The following VTN variants were observed in gnomAD, a reference collection of about 807,000 sequenced individuals.
VTN encodes complement S-protein.
VTN carries 45 observed loss-of-function variants against 55.9 expected under a neutral mutation model. The ratio of observed to expected loss-of-function variants is 0.80; its 90% CI spans 0.63 to 1.03. The LOEUF is 1.03. Ranked by LOEUF, VTN falls within the 50% of genes least tolerant of loss-of-function variation. VTN has a pLI of 0.00. For missense variants in VTN, 589 were observed against 638.2 expected (o/e 0.92, Z 0.83); for synonymous variants, 238 against 242.3 (o/e 0.98, Z 0.17).
At chr17:28,368,114 C>G (rs575720398) in intron 6 of VTN, 55 bp from the exon 7 acceptor site, 1 of 1,437,324 alleles carries the variant, frequency 7.0e-7, no homozygotes, top group African/African-American at 1.4e-5. Flanking sequence ...CTTGCCCCTT[C>G]CAGCGGGGCC....
Position 28,369,498 on chromosome 17 carries a change from T to C in VTN, c.529+9A>G, listed in dbSNP as rs782183692. 3.0e-5 allele frequency: 48 copies of C among 1,600,592 alleles called. No individual in the cohort carries two copies. In the South Asian group the frequency reaches 3.5e-4, roughly 12 times the overall value. ...AGACCCGCATCCCCAGTACCTGCCC[T>C]GGATTCACCTCGGAAGGCAAAGAGG... On this transcript the variant is annotated intron_variant, in intron 3 of 7. Coordinates refer to ENST00000226218, the MANE Select transcript of VTN (RefSeq NM_000638.4). The surrounding 1 kb of genome is among the most constrained non-coding windows in gnomAD (Gnocchi z 5.3).
Position 28,369,915 on chromosome 17 carries a change from C to G in VTN, c.184+12G>C, listed in dbSNP as rs2067938385. The G allele has an allele frequency of 6.2e-7, 1 of 1,613,670 alleles. No homozygotes were observed. Among genetic ancestry groups the G allele is most frequent in the Non-Finnish European group, 8.5e-7 (1 of 1,179,716 alleles). ...GGGCACCCCAGCCCACCCACCTGGG[C>G]TCTGAACACACCTTGGGGCTTGCAC... is the stretch of plus-strand genomic sequence containing the variant. On this transcript the variant is annotated intron_variant, in intron 2 of 7. Transcript: ENST00000226218. The surrounding 1 kb of genome is among the most constrained non-coding windows in gnomAD (Gnocchi z 5.3).
At position 28,368,569 on chromosome 17, in the gene VTN, C is replaced by A. The variant is rs1555583410; in HGVS notation, c.931G>T (p.Asp311Tyr). The A allele has an allele frequency of 6.2e-7, 1 of 1,614,046 alleles. No homozygotes were observed. The highest frequency in any genetic ancestry group is 8.5e-7 in the Non-Finnish European group (1 of 1,180,020). Residue 311 changes from aspartate (D) to tyrosine (Y), a missense_variant, in exon 6 of 8, where the codon GAC (aspartate) becomes TAC (tyrosine). Physicochemically the swap from Asp to Tyr is radical, Grantham distance 160. Coordinates refer to ENST00000226218, the MANE Select transcript of VTN (RefSeq NM_000638.4). Reference sequence around the variant, plus strand: ...AGCTCGAAGATGTCCTCCCAGCTGTCCCGCTGCATCATGGCAAAGTGTTCA... The same window carrying A: ...AGCTCGAAGATGTCCTCCCAGCTGTACCGCTGCATCATGGCAAAGTGTTCA... ...VFEHFAMMQRDSWEDIFELLF... is the reference protein window; with the variant it reads ...VFEHFAMMQRYSWEDIFELLF...
Position 28,370,229 on chromosome 17 carries a change from G to T in VTN, c.-26C>A. 2.5e-6 allele frequency: 4 copies of T among 1,601,772 alleles called. No individual in the cohort carries two copies. The highest frequency in any genetic ancestry group is 3.4e-6 in the Non-Finnish European group (4 of 1,172,346). ...GGCAGGGCTTCTAGCTCAGTGCCTGGCAAGCTGGGCTCTGGTCTCCCTGAA... is the reference window on the plus strand; with the variant it reads ...GGCAGGGCTTCTAGCTCAGTGCCTGTCAAGCTGGGCTCTGGTCTCCCTGAA... On this transcript the variant is annotated 5_prime_UTR_variant, in exon 1 of 8. Coordinates refer to ENST00000226218, the MANE Select transcript of VTN (RefSeq NM_000638.4).
intron 7 of VTN, 60 bp downstream of exon 7, chr17:28,367,655 A>G: frequency 3.9e-6 from 6 of 1,553,758 alleles, no homozygotes; most frequent in Non-Finnish European, 5.3e-6. Context: ...GCCCTTGTGC[A>G]CCAGGGACAG....
chr17:28,369,368 C>A lies in VTN; in HGVS notation c.590G>T (p.Arg197Leu). ...GGGGCCCTCGATGCCCCAGACATCT[C>A]GGATGAGCTTGGGGTACCCAGGCCT... ...AVRPGYPKLI[R>L]DVWGIEGPID... Residue 197 changes from arginine to leucine, a missense_variant, in exon 4 of 8, where the codon CGA becomes CTA. This residue lies in a region of VTN where 38 missense variants were observed against 68.8 expected (regional missense o/e 0.55). Coordinates refer to ENST00000226218, the MANE Select transcript of VTN (RefSeq NM_000638.4). The surrounding 1 kb of genome is among the most constrained non-coding windows in gnomAD (Gnocchi z 5.3). The A allele has an allele frequency of 6.2e-7, 1 of 1,607,434 alleles. No individual in the cohort carries two copies. The highest frequency in any genetic ancestry group is 8.5e-7 in the Non-Finnish European group (1 of 1,174,822).
chr17:28,369,844 G>T lies in VTN; in HGVS notation c.192C>A (p.Arg64=). ...YTAECKPQVT[R]GDVFTMPEDE... ...CCTCCGGCATAGTGAACACATCCCCGCGAGTCACTGCAGAGAGTGGATGGT... is the reference window on the plus strand; with the variant it reads ...CCTCCGGCATAGTGAACACATCCCCTCGAGTCACTGCAGAGAGTGGATGGT... The change falls in exon 3 of 8, where the codon CGC becomes CGA. Residue 64 remains arginine (R), a synonymous_variant. Transcript: ENST00000226218. This position sits in a 1 kb window ranked among gnomAD's most constrained non-coding sequence, Gnocchi z 5.3. 6.2e-7 allele frequency: 1 copy of T among 1,612,396 alleles called. No individual in the cohort carries two copies. Among genetic ancestry groups the T allele is most frequent in the Non-Finnish European group, 8.5e-7 (1 of 1,178,678 alleles).
rs1555583460 is a variant in VTN, at chr17:28,368,873, C to T, written c.825G>A (p.Lys275=). Residue 275 remains lysine, a splice_region_variant and synonymous_variant, in exon 5 of 8, where the codon AAG becomes AAA. Transcript: ENST00000226218. ...YSGRERVYFF[K]GKQYWEYQFQ... The stretch of plus-strand genomic sequence containing the variant: ...AGTCTCCCACCACCCCCTGAGTACC[C>T]TTGAAGAAGTAGACCCGCTCCCGGC... 1 of 1,613,778 alleles carries T rather than the reference C, an allele frequency of 6.2e-7. No homozygotes were observed. The highest frequency in any genetic ancestry group is 2.2e-5 in the East Asian group (1 of 44,884).
rs2142415135 is a variant in VTN, at chr17:28,368,538, A to G, written c.962T>C (p.Phe321Ser). 5 of 1,613,996 alleles carry G rather than the reference A, an allele frequency of 3.1e-6. No homozygotes were observed. The highest frequency in any genetic ancestry group is 4.2e-6 in the Non-Finnish European group (5 of 1,180,022). The change falls in exon 6 of 8, where the codon TTC becomes TCC. Residue 321 changes from phenylalanine (F) to serine (S), a missense_variant. Transcript: ENST00000226218. ...DSWEDIFELLFWGRTSAGTRQ... is the reference protein window; with the variant it reads ...DSWEDIFELLSWGRTSAGTRQ... ...CTCCATACCAGAGGTTCTGCCCCAG[A>G]AGAGAAGCTCGAAGATGTCCTCCCA...
chr17:28,368,794 G>A, intron 5 of VTN, 78 bp downstream of exon 5: 1 of 1,610,740 alleles, frequency 6.2e-7, no homozygotes, highest in Non-Finnish European at 8.5e-7. Flanking sequence ...CACATGCTGA[G>A]GCCTGTCCCC....
chr17:28,368,895 C>A lies in VTN; in HGVS notation c.803G>T (p.Arg268Leu). ...ACCCTTGAAGAAGTAGACCCGCTCC[C>A]GGCCACTGTAGCTATGGGCAGGGAG... is the stretch of plus-strand genomic sequence containing the variant. ...LALPAHSYSG[R>L]ERVYFFKGKQ... Residue 268 changes from arginine to leucine, a missense_variant, in exon 5 of 8, where the codon CGG (arginine) becomes CTG (leucine). Arg to Leu is a moderately radical substitution (Grantham distance 102). Coordinates refer to ENST00000226218, the MANE Select transcript of VTN (RefSeq NM_000638.4). 3.7e-6 allele frequency: 6 copies of A among 1,613,608 alleles called. No individual in the cohort carries two copies. The highest frequency in any genetic ancestry group is 5.1e-6 in the Non-Finnish European group (6 of 1,179,876).
At position 28,369,280 on chromosome 17, in the gene VTN, C is replaced by A. The variant is rs375026324; in HGVS notation, c.669+9G>T. 16 of 1,578,338 alleles carry A rather than the reference C, an allele frequency of 1.0e-5. No homozygotes were observed. The highest frequency in any genetic ancestry group is 1.4e-5 in the African/African-American group (1 of 73,972). The stretch of plus-strand genomic sequence containing the variant: ...GATGCTTTCTACCCTGGCCCACAGC[C>A]CCTGGCACCTTGAAGAGGTAGGTCT... On this transcript the variant is annotated intron_variant, in intron 4 of 7. Coordinates refer to ENST00000226218, the MANE Select transcript of VTN (RefSeq NM_000638.4). The surrounding 1 kb of genome is among the most constrained non-coding windows in gnomAD (Gnocchi z 5.3).
chr17:28,367,713 A>G lies in VTN; in HGVS notation c.1324+2T>C, dbSNP rs113284456. On this transcript the variant is annotated splice_donor_variant, in intron 7 of 7. Transcript: ENST00000226218. LOFTEE classifies it high-confidence loss of function. ...AGCTTCAGGGGTGGCAGCGGCTCCT[A>G]CCTCCAGAGAAGAAGAAGACACTCT... The G allele has an allele frequency of 6.2e-7, 1 of 1,605,862 alleles. No homozygotes were observed.
At position 28,368,580 on chromosome 17, in the gene VTN, A is replaced by G. The variant is rs782152510; in HGVS notation, c.920T>C (p.Met307Thr). 1 of 1,614,058 alleles carries G rather than the reference A, an allele frequency of 6.2e-7. No homozygotes were observed. The highest frequency in any genetic ancestry group is 8.5e-7 in the Non-Finnish European group (1 of 1,180,030). The change falls in exon 6 of 8, where the codon ATG (methionine) becomes ACG (threonine). Residue 307 changes from methionine to threonine, a missense_variant. By Grantham distance (81) the Met-to-Thr change is moderately conservative. Around this residue, in one of 3 missense-constraint regions of VTN, gnomAD observed 334 missense variants for 328.2 expected, o/e 1.02. Coordinates refer to ENST00000226218, the MANE Select transcript of VTN (RefSeq NM_000638.4). ...GTCCTCCCAGCTGTCCCGCTGCATCATGGCAAAGTGTTCAAACACAGCCGA... is the reference window on the plus strand; with the variant it reads ...GTCCTCCCAGCTGTCCCGCTGCATCGTGGCAAAGTGTTCAAACACAGCCGA... ...SLSAVFEHFA[M>T]MQRDSWEDIF... is the part of the protein sequence containing the mutation.
rs1555583812 is a variant in VTN at position 28,370,241 on chromosome 17, C to G, written c.-38G>C. ...AGCTCAGTGCCTGGCAAGCTGGGCT[C>G]TGGTCTCCCTGAAGTCTCCGCTCTG... is the stretch of plus-strand genomic sequence containing the variant. On this transcript the variant is annotated 5_prime_UTR_variant, in exon 1 of 8. Transcript: ENST00000226218. The G allele has an allele frequency of 1.3e-6, 2 of 1,592,480 alleles. No individual in the cohort carries two copies. The highest frequency in any genetic ancestry group is 8.6e-7 in the Non-Finnish European group (1 of 1,166,868).
At chr17:28,368,406 C>T (rs2067924756) in intron 6 of VTN, 115 bp downstream of exon 6, 1 of 1,440,574 alleles carries the variant, frequency 6.9e-7, no homozygotes, top group Non-Finnish European at 9.5e-7. Flanking sequence ...CCTGAGCAAA[C>T]AGACTTTGAT....
Position 28,369,091 on chromosome 17 carries a change from C to T in VTN, c.670-63G>A. 1.3e-6 allele frequency: 2 copies of T among 1,531,192 alleles called. No homozygotes were observed. Among genetic ancestry groups the T allele is most frequent in the Non-Finnish European group, 1.7e-6 (2 of 1,143,904 alleles). 94.9% of individuals were successfully genotyped at this position (1,531,192 alleles called of 1,614,324 possible). ...GCTGGCTGGGCACAGAGGCAGAGTC[C>T]CTTGCCCTAAGGCAGCCGTTCCCAG... On this transcript the variant is annotated intron_variant, in intron 4 of 7. Transcript: ENST00000226218. The surrounding 1 kb of genome is among the most constrained non-coding windows in gnomAD (Gnocchi z 5.3).
In VTN at chr17:28,369,970, G is replaced by A; in HGVS notation, c.141C>T (p.Tyr47=). The change falls in exon 2 of 8, where the codon TAC becomes TAT. Residue 47 remains tyrosine, a synonymous_variant. Coordinates refer to ENST00000226218, the MANE Select transcript of VTN (RefSeq NM_000638.4). The surrounding 1 kb of genome is among the most constrained non-coding windows in gnomAD (Gnocchi z 5.3). ...CCGTATAGTCTGTGCAGCAGCTCTGGTAGTAAGAGCAGAGCTCGTCACACT... is the reference window on the plus strand; with the variant it reads ...CCGTATAGTCTGTGCAGCAGCTCTGATAGTAAGAGCAGAGCTCGTCACACT... The part of the protein sequence containing the change: ...KCQCDELCSY[Y]QSCCTDYTAE... 1 of 1,614,074 alleles carries A rather than the reference G, an allele frequency of 6.2e-7. No homozygotes were observed. The highest frequency in any genetic ancestry group is 1.3e-5 in the African/African-American group (1 of 75,050).
In VTN at chr17:28,369,694, A is replaced by G; in HGVS notation, c.342T>C (p.Pro114=). 1 of 1,613,822 alleles carries G rather than the reference A, an allele frequency of 6.2e-7. No homozygotes were observed. The highest frequency in any genetic ancestry group is 2.2e-5 in the East Asian group (1 of 44,870). ...AQSKGNPEQT[P]VLKPEEEAPA... ...GGGCCTCTTCCTCAGGTTTCAGAAC[A>G]GGTGTCTGCTCAGGATTCCCTTTGG... The change falls in exon 3 of 8, where the codon CCT becomes CCC. Residue 114 remains proline, a synonymous_variant. Coordinates refer to ENST00000226218, the MANE Select transcript of VTN (RefSeq NM_000638.4). This position sits in a 1 kb window ranked among gnomAD's most constrained non-coding sequence, Gnocchi z 5.3.
Sources: allele counts gnomAD v4.1 joint callset, GRCh38; gene constraint gnomAD v4.1.1; regional missense constraint gnomAD v4.1.1; non-coding constraint Gnocchi (gnomAD v3.1); transcripts MANE v1.5; gene names NCBI Gene and HGNC (gene_info 2026-07-23, HGNC 2026-07-21).